The following MYLK variants were observed in gnomAD, a reference collection of about 807,000 sequenced individuals.
The protein encoded by MYLK is myosin light chain kinase, also known as myosin light chain kinase, smooth muscle.
A neutral mutation model predicts 203.4 loss-of-function variants in MYLK; 106 were observed. The ratio of observed to expected loss-of-function variants is 0.52; its 90% CI spans 0.45 to 0.61. MYLK has a LOEUF of 0.61. Among genes scored for constraint, MYLK ranks in the 20% least tolerant of loss-of-function variants. MYLK has a pLI of 0.00. For missense variants in MYLK, 2,072 were observed against 2,442.3 expected (o/e 0.85, Z 3.20); for synonymous variants, 867 against 959.5 (o/e 0.90, Z 1.78).
chr3:123,681,115 T>C (rs927132942), intron 20 of MYLK: 1 of 152,236 alleles, frequency 6.6e-6, no homozygotes, highest in African/African-American at 2.4e-5. Flanking sequence ...ATTCATGTCA[T>C]GAATTAAAAC....
chr3:123,707,606 G>A, intron 16 of MYLK, 148 bp downstream of exon 16: 2 of 1,222,476 alleles, frequency 1.6e-6, no homozygotes, highest in Non-Finnish European at 2.4e-6. Context: ...GCAAAAGCTT[G>A]TGAGCAGCAC....
chr3:123,784,799 T>A (rs113761527), intron 4 of MYLK, among the ~76,000 whole-genome samples: 8 of 152,214 alleles, frequency 5.3e-5, no homozygotes, highest in African/African-American at 1.9e-4. Flanking sequence ...ATTTTCTACC[T>A]CTTGGGAGTA....
chr3:123,704,220 T>A (rs1173049267), intron 16 of MYLK, among the ~76,000 whole-genome samples: 1 of 152,244 alleles, frequency 6.6e-6, no homozygotes, highest in Non-Finnish European at 1.5e-5. Context: ...CAGTAACTAT[T>A]CCTACAGCCA....
intron 2 of MYLK, among the ~76,000 whole-genome samples, chr3:123,875,430 G>A (rs2033089651): frequency 6.6e-6 from 1 of 152,134 alleles, no homozygotes; most frequent in African/African-American, 2.4e-5. Context: ...CACAGGGAGA[G>A]AAAGCAGATC....
At chr3:123,637,024 TTC>T (rs1272766144) in intron 29 of MYLK, among the ~76,000 whole-genome samples, 1 of 152,192 alleles carries the variant, frequency 6.6e-6, no homozygotes, top group African/African-American at 2.4e-5. Flanking sequence ...GCCCAGAACC[TTC>T]TCTCACACTG....
chr3:123,777,842 G>A (rs1427886249), intron 4 of MYLK, among the ~76,000 whole-genome samples: 1 of 152,154 alleles, frequency 6.6e-6, no homozygotes, highest in Admixed American at 6.5e-5. Context: ...ATACCCACAC[G>A]TGATCTCCAG....
At chr3:123,687,320 A>T (rs567729584) in intron 19 of MYLK, among the ~76,000 whole-genome samples, 1 of 152,334 alleles carries the variant, frequency 6.6e-6, no homozygotes, top group Admixed American at 6.5e-5. Flanking sequence ...TCAGCTCAGC[A>T]ATAATCAGAA....
intron 4 of MYLK, among the ~76,000 whole-genome samples, chr3:123,785,233 C>T (rs2064467111): frequency 6.6e-6 from 1 of 152,198 alleles, no homozygotes; most frequent in Admixed American, 6.5e-5. Flanking sequence ...CTTTGGACTG[C>T]TTCATGTTTA....
At chr3:123,861,129 C>CA (rs5852370) in intron 2 of MYLK, among the ~76,000 whole-genome samples, 66,234 of 130,148 alleles carry the variant, frequency 0.51, 18,032 homozygotes, top group Non-Finnish European at 0.66. Flanking sequence ...GACCCTGTCT[C>CA]AAAAAAAAAA....
At chr3:123,737,330 C>A (rs748933744) in intron 8 of MYLK, 48 bp downstream of exon 8, 1 of 1,612,450 alleles carries the variant, frequency 6.2e-7, no homozygotes, top group Non-Finnish European at 8.5e-7. Context: ...TAGGAGGGTG[C>A]GGCACCAGGC....
At chr3:123,742,815 G>C (rs1174744287) in intron 5 of MYLK, among the ~76,000 whole-genome samples, 2 of 152,154 alleles carry the variant, frequency 1.3e-5, no homozygotes, top group Admixed American at 6.5e-5. Flanking sequence ...ACTAACACGT[G>C]GTACAACATG....
intron 2 of MYLK, among the ~76,000 whole-genome samples, chr3:123,866,041 T>A (rs1235189240): frequency 6.6e-6 from 1 of 152,088 alleles, no homozygotes; most frequent in Non-Finnish European, 1.5e-5. Context: ...AGAAGCCAGG[T>A]GGTAAGTGAA....
chr3:123,737,212 C>G, intron 8 of MYLK, 166 bp downstream of exon 8: 1 of 708,414 alleles, frequency 1.4e-6, no homozygotes, highest in Non-Finnish European at 2.3e-6. Context: ...GAGCAAGACT[C>G]TGTCTGAAGA....
At chr3:123,650,972 T>A (rs991759891) in intron 24 of MYLK, among the ~76,000 whole-genome samples, 3 of 151,974 alleles carry the variant, frequency 2.0e-5, no homozygotes, top group Admixed American at 1.3e-4. Flanking sequence ...CAAACAGGGG[T>A]GAGTACTGGG....
chr3:123,695,536 A>G (rs1314578186), intron 18 of MYLK, among the ~76,000 whole-genome samples: 1 of 151,872 alleles, frequency 6.6e-6, no homozygotes, highest in African/African-American at 2.4e-5. Flanking sequence ...CTTACTATTG[A>G]AAAAGATAAT....
intron 19 of MYLK, among the ~76,000 whole-genome samples, chr3:123,684,176 A>T (rs2060368355): frequency 6.6e-6 from 1 of 152,258 alleles, no homozygotes; most frequent in Non-Finnish European, 1.5e-5. Flanking sequence ...CCTCAGCTGT[A>T]TGTTAGAAGC....
At chr3:123,780,420 C>A (rs547104959) in intron 4 of MYLK, among the ~76,000 whole-genome samples, 67 of 152,076 alleles carry the variant, frequency 4.4e-4, no homozygotes, top group African/African-American at 1.6e-3. Context: ...GGCAACAGAG[C>A]GAGATTCTGT....
At chr3:123,671,845 G>A (rs1213460912) in intron 20 of MYLK, among the ~76,000 whole-genome samples, 1 of 152,068 alleles carries the variant, frequency 6.6e-6, no homozygotes, top group Non-Finnish European at 1.5e-5. Flanking sequence ...ATGGGATATG[G>A]GACGCCTGTG....
At chr3:123,772,717 A>C (rs2108991627) in intron 4 of MYLK, among the ~76,000 whole-genome samples, 1 of 152,242 alleles carries the variant, frequency 6.6e-6, no homozygotes, top group Middle Eastern at 3.5e-3. Context: ...AAAAAAGTAA[A>C]GGACATGAAC....
Sources: allele counts gnomAD v4.1 joint callset (sites outside exome capture counted in the v4.1 genomes callset), GRCh38; gene constraint gnomAD v4.1.1; transcripts MANE v1.5; gene names NCBI Gene and HGNC (gene_info 2026-07-23, HGNC 2026-07-21).